Variants in RAB3B observed in about 807,000 individuals in gnomAD.
RAB3B encodes ras-related protein Rab-3B.
Under a neutral mutation model 20.5 loss-of-function variants are expected in RAB3B, and 11 were observed. The observed-to-expected ratio is 0.54, with a 90% CI of 0.34 to 0.89. RAB3B has a LOEUF of 0.89. Among genes scored for constraint, RAB3B ranks in the 40% least tolerant of loss-of-function variants. The probability of loss-of-function intolerance (pLI) is 0.02; values close to 1 mark genes in which losing one functional copy is unlikely to be tolerated. For missense variants in RAB3B, 225 were observed against 280.9 expected, an observed-to-expected ratio of 0.80 and a Z score of 1.42; for synonymous variants, 99 against 106.3, an observed-to-expected ratio of 0.93 and a Z score of 0.42.
intron 2 of RAB3B, among the ~76,000 whole-genome samples, chr1:51,939,805 A>T (rs948879571): frequency 6.6e-6 from 1 of 152,054 alleles, no homozygotes; most frequent in Non-Finnish European, 1.5e-5. Flanking sequence ...GAACACCTGA[A>T]CTCAAGTGAT....
At chr1:51,944,712 T>G (rs1279849904) in intron 2 of RAB3B, among the ~76,000 whole-genome samples, 4 of 152,186 alleles carry the variant, frequency 2.6e-5, no homozygotes, top group African/African-American at 9.7e-5. Flanking sequence ...GTGACTGAAT[T>G]GTGGCAATCT....
At chr1:51,969,877 G>A (rs1275805146) in intron 2 of RAB3B, among the ~76,000 whole-genome samples, 1 of 151,806 alleles carries the variant, frequency 6.6e-6, no homozygotes, top group Non-Finnish European at 1.5e-5. Flanking sequence ...CTTACTGCTG[G>A]GTGCTGGTTG....
rs1684020137 is a variant in RAB3B, at chr1:51,912,590, T to A, written c.*7337A>T. 4.6e-5 allele frequency: 3 copies of A among 64,672 alleles called. No individual in the cohort carries two copies. The highest frequency in any genetic ancestry group is 7.2e-4 in the South Asian group (1 of 1,392). The allele number at this position is 64,672 out of a possible 1,614,324, so 4.0% of individuals were successfully genotyped here. Reference sequence around the variant, plus strand: ...ATATATATATATATATATATATATATATATATATATAAAAAATGTTACTCC... The same window carrying A: ...ATATATATATATATATATATATATAAATATATATATAAAAAATGTTACTCC... On this transcript the variant is annotated 3_prime_UTR_variant, in exon 5 of 5. Transcript: ENST00000371655.
At position 51,913,305 on chromosome 1, in the gene RAB3B, C is replaced by G. The variant is rs1008788011; in HGVS notation, c.*6622G>C. The G allele has an allele frequency of 6.6e-6, 1 of 152,160 alleles. No homozygotes were observed. Among genetic ancestry groups the G allele is most frequent in the Non-Finnish European group, 1.5e-5 (1 of 68,044 alleles). 9.4% of individuals were successfully genotyped at this position (152,160 alleles called of 1,614,324 possible). The stretch of plus-strand genomic sequence containing the variant: ...AATGATAAGACTGCCCTGCCCTATA[C>G]AGTTTTGCCACTTGTCTTTGGTGAT... On this transcript the variant is annotated 3_prime_UTR_variant, in exon 5 of 5. Transcript: ENST00000371655.
rs911767093 is a variant in RAB3B at position 51,912,847 on chromosome 1, G to T, written c.*7080C>A. On this transcript the variant is annotated 3_prime_UTR_variant, in exon 5 of 5. Transcript: ENST00000371655. ...AGAAAAATCAAAGAATTAAGGATGAGTTTTCTGTGAAGACTGGGGTTCAAA... is the reference window on the plus strand; with the variant it reads ...AGAAAAATCAAAGAATTAAGGATGATTTTTCTGTGAAGACTGGGGTTCAAA... 2 of 152,032 alleles carry T rather than the reference G, an allele frequency of 1.3e-5. No homozygotes were observed. The highest frequency in any genetic ancestry group is 2.9e-5 in the Non-Finnish European group (2 of 67,996). The allele number at this position is 152,032 out of a possible 1,614,324, so 9.4% of individuals were successfully genotyped here.
chr1:51,933,590 G>C, intron 3 of RAB3B, 148 bp from the exon 4 acceptor site: 1 of 689,858 alleles, frequency 1.4e-6, no homozygotes, highest in Non-Finnish European at 2.4e-6. Context: ...TGTCAATGAG[G>C]CTAGAGTCCT....
At chr1:51,922,892 T>C (rs1295049357) in intron 4 of RAB3B, among the ~76,000 whole-genome samples, 2 of 152,076 alleles carry the variant, frequency 1.3e-5, no homozygotes, top group African/African-American at 4.8e-5. Context: ...AGACAGGGTT[T>C]CACCATGTTG....
In RAB3B at chr1:51,976,766, G is replaced by A; in HGVS notation, c.228+124C>T. ...AGAGGGTAGCCCAGGGGCCACACCT[G>A]AAACAGCATTAATGCCTGATGCTGT... is the stretch of plus-strand genomic sequence containing the variant. On this transcript the variant is annotated intron_variant, in intron 2 of 4. Coordinates refer to ENST00000371655, the MANE Select transcript of RAB3B (RefSeq NM_002867.4). 6.0e-6 allele frequency: 5 copies of A among 830,424 alleles called. No homozygotes were observed. In the East Asian group the frequency reaches 1.3e-4, roughly 22 times the overall value. 51.4% of individuals were successfully genotyped at this position (830,424 alleles called of 1,614,324 possible).
chr1:51,954,750 A>G (rs983128928), intron 2 of RAB3B, among the ~76,000 whole-genome samples: 3 of 152,216 alleles, frequency 2.0e-5, no homozygotes, highest in African/African-American at 7.2e-5. Flanking sequence ...TGGTTTGTAA[A>G]ATACCATATT....
intron 2 of RAB3B, among the ~76,000 whole-genome samples, chr1:51,962,080 G>A (rs1684791417): frequency 6.6e-6 from 1 of 152,166 alleles, no homozygotes; most frequent in Admixed American, 6.6e-5. Context: ...ACTGAAGCCA[G>A]ATAGACCCTG....
In RAB3B at chr1:51,934,897, C is replaced by T. The variant is rs534081002; in HGVS notation, c.348-1455G>A. 3.3e-5 allele frequency among the ~76,000 whole-genome samples: 5 copies of T among 151,394 alleles called. No homozygotes were observed. The East Asian group carries it at 5.8e-4, about 18-fold the overall frequency. ...TTAAGAGGAAATAAAAAAGGACTCTCTTATATTATGAAGACATCTTTTTGT... is the reference window on the plus strand; with the variant it reads ...TTAAGAGGAAATAAAAAAGGACTCTTTTATATTATGAAGACATCTTTTTGT... On this transcript the variant is annotated intron_variant, in intron 3 of 4. Transcript: ENST00000371655.
chr1:51,967,173 C>G (rs1453032208), intron 2 of RAB3B, among the ~76,000 whole-genome samples: 1 of 152,088 alleles, frequency 6.6e-6, no homozygotes, highest in Non-Finnish European at 1.5e-5. Context: ...ATCAGCCAGG[C>G]ATGGTGGTAC....
chr1:51,955,091 G>GC (rs953838568), intron 2 of RAB3B, among the ~76,000 whole-genome samples: 3 of 152,212 alleles, frequency 2.0e-5, no homozygotes, highest in African/African-American at 7.2e-5. Context: ...AGGCCAGGGG[G>GC]CGTTGACCTT....
At chr1:51,929,608 G>A (rs755518907) in intron 4 of RAB3B, among the ~76,000 whole-genome samples, 1 of 152,050 alleles carries the variant, frequency 6.6e-6, no homozygotes, top group Non-Finnish European at 1.5e-5. Context: ...GAGCCACTGC[G>A]CCCAGCCAAT....
At chr1:51,979,431 T>C (rs1311695107) in intron 1 of RAB3B, among the ~76,000 whole-genome samples, 1 of 152,022 alleles carries the variant, frequency 6.6e-6, no homozygotes, top group Non-Finnish European at 1.5e-5. Context: ...CCACCATGCC[T>C]AGTTAATTTC....
intron 1 of RAB3B, among the ~76,000 whole-genome samples, chr1:51,978,204 C>G (rs1685035742): frequency 6.6e-6 from 1 of 152,190 alleles, no homozygotes; most frequent in Non-Finnish European, 1.5e-5. Context: ...ACATGTCTGG[C>G]TTCCAGCATG....
intron 1 of RAB3B, among the ~76,000 whole-genome samples, chr1:51,981,656 A>T (rs1380419667): frequency 6.6e-6 from 1 of 152,240 alleles, no homozygotes; most frequent in Non-Finnish European, 1.5e-5. Flanking sequence ...TAAATTTTAA[A>T]AGTACAATCA....
rs548529832 is a variant in RAB3B at position 51,914,210 on chromosome 1, T to C, written c.*5717A>G. 6.6e-6 allele frequency: 1 copy of C among 152,344 alleles called. No homozygotes were observed. Among genetic ancestry groups the C allele is most frequent in the Non-Finnish European group, 1.5e-5 (1 of 68,034 alleles). 9.4% of individuals were successfully genotyped at this position (152,344 alleles called of 1,614,324 possible). A position where few individuals can be genotyped will look rare whatever the true frequency, so the allele number is the denominator to read the frequency against. On this transcript the variant is annotated 3_prime_UTR_variant, in exon 5 of 5. Transcript: ENST00000371655. ...ACAGGTAGAGATATTCTTTCTCCTA[T>C]CCTCAGTCTTCTTGGGGCATTTGTA...
chr1:51,928,049 G>A (rs1684268907), intron 4 of RAB3B, among the ~76,000 whole-genome samples: 1 of 152,004 alleles, frequency 6.6e-6, no homozygotes, highest in African/African-American at 2.4e-5. Flanking sequence ...GCATCTATAT[G>A]ATCTCAACCA....
Sources: gnomAD v4.1 joint callset for allele counts (sites outside exome capture counted in the v4.1 genomes callset) on GRCh38, gnomAD v4.1.1 for gene constraint, MANE v1.5 for transcripts, NCBI Gene and HGNC (gene_info 2026-07-23, HGNC 2026-07-21) for gene names.